Variants in ZNF362 observed in about 807,000 individuals in gnomAD.
ZNF362 encodes the protein zinc finger protein 362, also known as rotund homolog.
A neutral mutation model predicts 42.9 loss-of-function variants in ZNF362; 11 were observed. That is an observed-to-expected ratio of 0.26 (90% CI 0.16 to 0.42). ZNF362 has a LOEUF of 0.42. Among genes scored for constraint, ZNF362 ranks in the 20% least tolerant of loss-of-function variants. The pLI is 1.00. For missense variants in ZNF362, 362 were observed against 576.2 expected, an observed-to-expected ratio of 0.63 and a Z score of 3.81; for synonymous variants, 255 against 257.3, an observed-to-expected ratio of 0.99 and a Z score of 0.09.
rs1570411781 is a variant in ZNF362 at position 33,294,408 on chromosome 1, C to G, written c.909-529C>G. Among the ~76,000 whole-genome samples, 1 of 152,170 alleles carries G rather than the reference C, an allele frequency of 6.6e-6. No individual in the cohort carries two copies. Among genetic ancestry groups the G allele is most frequent in the South Asian group, 2.1e-4 (1 of 4,822 alleles). On this transcript the variant is annotated intron_variant, in intron 6 of 8. Coordinates refer to ENST00000539719, the MANE Select transcript of ZNF362 (RefSeq NM_152493.3). The surrounding 1 kb of genome is among the most constrained non-coding windows in gnomAD (Gnocchi z 4.2). ...AGAGGGGCTGAGCTTCAGGGCCATG[C>G]TGTCCCACATTCTCCCATTTACTGG...
At chr1:33,207,104 C>G in the ZNF362 span, among the ~76,000 whole-genome samples, 1 of 151,670 alleles carries the variant, frequency 6.6e-6, no homozygotes, top group Admixed American at 6.6e-5. Flanking sequence ...TCCCCCAGCC[C>G]CCCACTCCCC....
chr1:33,276,779 C>T (rs1482503592), intron 4 of ZNF362, among the ~76,000 whole-genome samples, 185 bp downstream of exon 4: 9 of 152,330 alleles, frequency 5.9e-5, no homozygotes, highest in South Asian at 4.1e-4. Context: ...GGACTTCCAA[C>T]GACCCAGTAC....
rs1004389206 is a variant in ZNF362 at position 33,280,413 on chromosome 1, C to T, written c.639C>T (p.Pro213=). Residue 213 remains proline, a synonymous_variant, in exon 5 of 9, where the codon CCC becomes CCT. Transcript: ENST00000539719. This position sits in a 1 kb window ranked among gnomAD's most constrained non-coding sequence, Gnocchi z 5.6. The stretch of plus-strand genomic sequence containing the variant: ...CGCCTGTCCTTGTAGTCCCCTATCC[C>T]ATCCTGGCCTCGGGCGAGACTGCCA... ...GGPPVLVVPY[P]ILASGETAKE... is the part of the protein sequence containing the mutation. 2 of 1,611,962 alleles carry T rather than the reference C, an allele frequency of 1.2e-6. No individual in the cohort carries two copies. Among genetic ancestry groups the T allele is most frequent in the Non-Finnish European group, 1.7e-6 (2 of 1,179,032 alleles).
At chr1:33,160,017 C>T in the ZNF362 span, 12 of 1,556,556 alleles carry the variant, frequency 7.7e-6, no homozygotes, top group Middle Eastern at 1.7e-4. Context: ...AGGAGGAAAT[C>T]GAGAGCCTTG....
At chr1:33,251,359 A>G in the ZNF362 span, among the ~76,000 whole-genome samples, 3 of 152,070 alleles carry the variant, frequency 2.0e-5, no homozygotes. Context: ...TCCTTAATAA[A>G]TCCCATGTTT....
chr1:33,233,609 G>A, the ZNF362 span, among the ~76,000 whole-genome samples: 1 of 152,092 alleles, frequency 6.6e-6, no homozygotes, highest in Non-Finnish European at 1.5e-5. Flanking sequence ...TCACCATGTT[G>A]GCCAGGCTGG....
At chr1:33,141,592 A>G in the ZNF362 span, among the ~76,000 whole-genome samples, 56 of 152,172 alleles carry the variant, frequency 3.7e-4, no homozygotes, top group Admixed American at 3.7e-3. Flanking sequence ...GCCCTTCCCC[A>G]GCCCTTATCA....
At chr1:33,254,372 C>T (rs543264314), upstream of ZNF362, among the ~76,000 whole-genome samples, 8 of 152,278 alleles carry the variant, frequency 5.3e-5, no homozygotes, top group African/African-American at 1.9e-4. Flanking sequence ...CCTCCCGCCT[C>T]GGCCTCCCAA....
chr1:33,289,899 C>T (rs1646063756), intron 6 of ZNF362, among the ~76,000 whole-genome samples: 1 of 152,112 alleles, frequency 6.6e-6, no homozygotes, highest in Non-Finnish European at 1.5e-5. Context: ...GGAGCCTGAC[C>T]TGGTCTAGGG....
chr1:33,204,193 AAATCTAGTTTTT>A, the ZNF362 span, among the ~76,000 whole-genome samples: 1 of 151,894 alleles, frequency 6.6e-6, no homozygotes, highest in Admixed American at 6.6e-5. Context: ...TGGCATGTGG[AAATCTAGTTTTT>A]CAGCACCATC....
intron 6 of ZNF362, among the ~76,000 whole-genome samples, chr1:33,287,237 T>C (rs966664114): frequency 1.3e-5 from 2 of 152,262 alleles, no homozygotes; most frequent in East Asian, 3.8e-4. Context: ...GGGTCGTCTG[T>C]ACCTGCAGAT....
Position 33,280,096 on chromosome 1 carries a change from C to A in ZNF362, c.350-28C>A, listed in dbSNP as rs745874144. Reference sequence around the variant, plus strand: ...AGCTGGCCTCTGCAGCTCCGCTCACCCCTGCCCCCACCCACCTGTCTTCGC... The same window carrying A: ...AGCTGGCCTCTGCAGCTCCGCTCACACCTGCCCCCACCCACCTGTCTTCGC... On this transcript the variant is annotated intron_variant, in intron 4 of 8. Coordinates refer to ENST00000539719, the MANE Select transcript of ZNF362 (RefSeq NM_152493.3). This position sits in a 1 kb window ranked among gnomAD's most constrained non-coding sequence, Gnocchi z 5.6. 1 of 1,542,458 alleles carries A rather than the reference C, an allele frequency of 6.5e-7. No homozygotes were observed. Among genetic ancestry groups the A allele is most frequent in the Admixed American group, 1.9e-5 (1 of 53,200 alleles).
At chr1:33,165,655 C>A in the ZNF362 span, 2 of 1,184,780 alleles carry the variant, frequency 1.7e-6, no homozygotes, top group East Asian at 2.9e-5. The surrounding 1 kb of genome is among the most constrained non-coding windows in gnomAD (Gnocchi z 4.0). Context: ...TGGGGGTTAG[C>A]CTGGTCTCTG....
the ZNF362 span, among the ~76,000 whole-genome samples, chr1:33,136,225 TTCTTTC>T: frequency 1.3e-5 from 2 of 150,176 alleles, no homozygotes; most frequent in Admixed American, 6.6e-5. Flanking sequence ...CTTCCCTCCT[TTCTTTC>T]TCTTTCTTTT....
At chr1:33,286,566 A>G (rs1199831220) in intron 6 of ZNF362, among the ~76,000 whole-genome samples, 1 of 152,116 alleles carries the variant, frequency 6.6e-6, no homozygotes, top group African/African-American at 2.4e-5. Context: ...ACAAACAACA[A>G]AAGAGGATTC....
chr1:33,199,885 G>T, the ZNF362 span: 3 of 152,030 alleles, frequency 2.0e-5, no homozygotes, highest in Non-Finnish European at 4.4e-5. Context: ...GTGATAGCAG[G>T]TGCCTGTAAT....
At chr1:33,162,836 GGA>G in the ZNF362 span, 2 of 152,290 alleles carry the variant, frequency 1.3e-5, no homozygotes, top group Admixed American at 1.3e-4. Context: ...GGACACCCCA[GGA>G]GACATCCCAG....
At chr1:33,295,392 C>A in intron 8 of ZNF362, 87 bp downstream of exon 8, 2 of 1,472,176 alleles carry the variant, frequency 1.4e-6, no homozygotes, top group South Asian at 1.3e-5. Context: ...AGATCTGTGT[C>A]GACTCTTCCC....
At chr1:33,244,158 C>G in the ZNF362 span, among the ~76,000 whole-genome samples, 1 of 151,748 alleles carries the variant, frequency 6.6e-6, no homozygotes, top group Non-Finnish European at 1.5e-5. This position sits in a 1 kb window ranked among gnomAD's most constrained non-coding sequence, Gnocchi z 4.0. Flanking sequence ...TTTGCTTCCT[C>G]TCTGATTCTC....
Sources: gnomAD v4.1 joint callset for allele counts (sites outside exome capture counted in the v4.1 genomes callset) on GRCh38, gnomAD v4.1.1 for gene constraint, Gnocchi (gnomAD v3.1) non-coding constraint, MANE v1.5 for transcripts, NCBI Gene and HGNC (gene_info 2026-07-23, HGNC 2026-07-21) for gene names.